The following LRRC49 variants were observed in gnomAD, a reference collection of about 807,000 sequenced individuals.
LRRC49 encodes the protein leucine rich repeat containing 49.
LRRC49 carries 50 observed loss-of-function variants against 83.3 expected under a neutral mutation model. That is an observed-to-expected ratio of 0.60 (90% CI 0.48 to 0.76). LRRC49 has a LOEUF of 0.76. Ranked by LOEUF, LRRC49 falls within the 30% of genes least tolerant of loss-of-function variation. LRRC49 has a pLI of 0.00. For missense variants in LRRC49, 704 were observed against 809.1 expected (o/e 0.87, Z 1.58); for synonymous variants, 286 against 283.3 (o/e 1.01, Z -0.10).
At chr15:70,977,880 C>A (rs536893133) in intron 9 of LRRC49, among the ~76,000 whole-genome samples, 2 of 152,040 alleles carry the variant, frequency 1.3e-5, no homozygotes, top group Non-Finnish European at 2.9e-5. Context: ...GGCTTCTGGT[C>A]CTGATCCTGG....
At chr15:70,900,590 G>A (rs961145209) in intron 3 of LRRC49, 1 of 459,748 alleles carries the variant, frequency 2.2e-6, no homozygotes, top group Non-Finnish European at 4.4e-6. Context: ...CTGGTAATGA[G>A]GAACTATCAT....
intron 8 of LRRC49, among the ~76,000 whole-genome samples, chr15:70,963,201 A>C (rs1018206679): frequency 2.0e-5 from 3 of 151,010 alleles, no homozygotes; most frequent in Non-Finnish European, 4.4e-5. Flanking sequence ...GCTCGAGCCC[A>C]AGAGTTTGAG....
chr15:70,878,301 G>T (rs902865268), intron 2 of LRRC49, among the ~76,000 whole-genome samples: 1 of 151,944 alleles, frequency 6.6e-6, no homozygotes, highest in African/African-American at 2.4e-5. Context: ...CTGATTTATT[G>T]GTTCTAGTAG....
At chr15:70,960,804 T>C (rs1185085016) in intron 8 of LRRC49, among the ~76,000 whole-genome samples, 2 of 152,194 alleles carry the variant, frequency 1.3e-5, no homozygotes, top group African/African-American at 4.8e-5. Context: ...TAGACTTAAA[T>C]GTAAAACACA....
chr15:70,994,280 A>G (rs534214822), intron 11 of LRRC49, among the ~76,000 whole-genome samples: 25 of 152,276 alleles, frequency 1.6e-4, no homozygotes, highest in African/African-American at 4.8e-4. Flanking sequence ...ATCTCATGTT[A>G]AGATTTTGTA....
intron 7 of LRRC49, among the ~76,000 whole-genome samples, chr15:70,935,915 A>G (rs1332003690): frequency 1.3e-5 from 2 of 152,304 alleles, no homozygotes; most frequent in South Asian, 2.1e-4. Flanking sequence ...TAGGTGAATA[A>G]TAAAGTTGTA....
chr15:71,021,268 T>C (rs759756737), intron 14 of LRRC49, among the ~76,000 whole-genome samples: 3 of 152,172 alleles, frequency 2.0e-5, no homozygotes, highest in Admixed American at 6.5e-5. Context: ...AATGGAGATA[T>C]TGTATTCTAG....
intron 14 of LRRC49, among the ~76,000 whole-genome samples, chr15:71,028,483 T>C (rs2039245359): frequency 6.6e-6 from 1 of 152,194 alleles, no homozygotes. Context: ...GAGGAGTCCT[T>C]CTTTTTCTGT....
intron 7 of LRRC49, among the ~76,000 whole-genome samples, chr15:70,926,111 A>G (rs1452618050): frequency 6.6e-6 from 1 of 152,238 alleles, no homozygotes; most frequent in Non-Finnish European, 1.5e-5. Flanking sequence ...AGTTTAAAAA[A>G]TTATTGAGCT....
At chr15:71,020,549 A>G (rs2038961995) in intron 14 of LRRC49, among the ~76,000 whole-genome samples, 1 of 152,208 alleles carries the variant, frequency 6.6e-6, no homozygotes, top group South Asian at 2.1e-4. Context: ...TCTAAATATA[A>G]GGTGAAAAAA....
chr15:71,009,048 C>T (rs1356417541), intron 12 of LRRC49, among the ~76,000 whole-genome samples: 1 of 151,710 alleles, frequency 6.6e-6, no homozygotes, highest in Non-Finnish European at 1.5e-5. Context: ...AATTAGCCTT[C>T]CTCAATTATG....
intron 15 of LRRC49, 32 bp downstream of exon 15, chr15:71,037,364 G>A (rs766461216): frequency 6.5e-7 from 1 of 1,547,490 alleles, no homozygotes. Context: ...GCGATCTAAT[G>A]CCAGGATATA....
At chr15:70,985,329 G>T (rs1422596910) in intron 11 of LRRC49, among the ~76,000 whole-genome samples, 1 of 151,630 alleles carries the variant, frequency 6.6e-6, no homozygotes, top group Non-Finnish European at 1.5e-5. Flanking sequence ...ATTCTAACTG[G>T]TGTGAGATGG....
At chr15:70,957,264 T>C (rs979276963) in intron 8 of LRRC49, among the ~76,000 whole-genome samples, 2 of 152,206 alleles carry the variant, frequency 1.3e-5, no homozygotes, top group Non-Finnish European at 2.9e-5. Context: ...TGATAGACTC[T>C]ACAATCTGGC....
chr15:70,951,320 G>A (rs577313226), intron 8 of LRRC49, among the ~76,000 whole-genome samples: 2 of 152,018 alleles, frequency 1.3e-5, no homozygotes, highest in East Asian at 3.9e-4. Flanking sequence ...AGTATGATAG[G>A]AATGGCACTG....
intron 1 of LRRC49, among the ~76,000 whole-genome samples, chr15:70,855,434 C>A (rs1406474257): frequency 6.6e-6 from 1 of 152,054 alleles, no homozygotes; most frequent in African/African-American, 2.4e-5. Context: ...TTATTTAGAG[C>A]CTTAAACATA....
chr15:70,929,492 C>T (rs993891255), intron 7 of LRRC49, among the ~76,000 whole-genome samples: 2 of 152,014 alleles, frequency 1.3e-5, no homozygotes, highest in Non-Finnish European at 2.9e-5. Flanking sequence ...AGGGTCTTGC[C>T]GTGATGTTAA....
intron 14 of LRRC49, among the ~76,000 whole-genome samples, chr15:71,015,406 G>T (rs1293188381): frequency 6.6e-6 from 1 of 152,146 alleles, no homozygotes; most frequent in Non-Finnish European, 1.5e-5. Context: ...TTCTCATAAG[G>T]AGTGGGCAAC....
intron 8 of LRRC49, among the ~76,000 whole-genome samples, chr15:70,960,324 A>T (rs1251499475): frequency 3.3e-5 from 5 of 152,220 alleles, no homozygotes; most frequent in Admixed American, 1.3e-4. Flanking sequence ...AGCCTAAGTT[A>T]TCAATCTGTC....
Sources: allele counts gnomAD v4.1 joint callset (sites outside exome capture counted in the v4.1 genomes callset), GRCh38; gene constraint gnomAD v4.1.1; transcripts MANE v1.5; gene names NCBI Gene and HGNC (gene_info 2026-07-23, HGNC 2026-07-21).